Variants in INTS3 observed in about 807,000 individuals in gnomAD.
The protein encoded by INTS3 is integrator complex subunit 3.
INTS3 carries 34 observed loss-of-function variants against 146.3 expected under a neutral mutation model. The ratio of observed to expected loss-of-function variants is 0.23; its 90% CI spans 0.18 to 0.31. The LOEUF is 0.31. Ranked by LOEUF, INTS3 falls within the 10% of genes least tolerant of loss-of-function variation. The pLI is 1.00. For synonymous variants in INTS3, 475 were observed against 494.9 expected, an observed-to-expected ratio of 0.96 and a Z score of 0.53; for missense variants, 757 against 1,304.2, an observed-to-expected ratio of 0.58 and a Z score of 6.46.
At chr1:153,753,513 C>T (rs1013896585) in intron 8 of INTS3, among the ~76,000 whole-genome samples, 11 of 151,080 alleles carry the variant, frequency 7.3e-5, no homozygotes, top group African/African-American at 9.7e-5. Context: ...GCCGAGATCG[C>T]GCCACTGCAC....
chr1:153,760,814 T>C lies in INTS3; in HGVS notation c.1318-13T>C. ...GTCCTGTGCTCATTTTTCCCCTCCT[T>C]CTTCGCTTCCAGATCATTCCCAACT... On this transcript the variant is annotated splice_polypyrimidine_tract_variant and intron_variant, in intron 12 of 29. Transcript: ENST00000318967. 1.2e-6 allele frequency: 2 copies of C among 1,608,304 alleles called. No individual in the cohort carries two copies.
chr1:153,772,831 A>G lies in INTS3; in HGVS notation c.2895-94A>G. ...GACCTTAGGGTCCAGGGTTGAAGAA[A>G]AAGAAGGCCTAGGCCTGGGGGCAGA... On this transcript the variant is annotated intron_variant, in intron 28 of 29. Transcript: ENST00000318967. This position sits in a 1 kb window ranked among gnomAD's most constrained non-coding sequence, Gnocchi z 4.6. The G allele has an allele frequency of 1.9e-6, 3 of 1,587,974 alleles. No individual in the cohort carries two copies. Among genetic ancestry groups the G allele is most frequent in the Non-Finnish European group, 2.6e-6 (3 of 1,164,572 alleles).
chr1:153,741,573 C>G (rs1185792515), intron 3 of INTS3, among the ~76,000 whole-genome samples: 1 of 152,156 alleles, frequency 6.6e-6, no homozygotes, highest in Non-Finnish European at 1.5e-5. Context: ...GATTCTGAAG[C>G]TAAATGGCAG....
chr1:153,749,784 G>A (rs1183601779), intron 6 of INTS3, among the ~76,000 whole-genome samples: 2 of 152,108 alleles, frequency 1.3e-5, no homozygotes, highest in Non-Finnish European at 2.9e-5. Context: ...CAGGATTCAG[G>A]TAATTTCGTT....
At position 153,767,842 on chromosome 1, in the gene INTS3, C is replaced by T. The variant is rs774919855; in HGVS notation, c.2244+15C>T. On this transcript the variant is annotated intron_variant, in intron 21 of 29. Transcript: ENST00000318967. ...TCTACACAGAGGTCAGTGCCTGCAT[C>T]CGTATCTGTGCCGGGGGGCTCACAG... 11 of 1,593,790 alleles carry T rather than the reference C, an allele frequency of 6.9e-6. No individual in the cohort carries two copies. Among genetic ancestry groups the T allele is most frequent in the Non-Finnish European group, 9.4e-6 (11 of 1,168,404 alleles).
rs1214940916 is a variant in INTS3 at position 153,763,834 on chromosome 1, A to G, written c.1769A>G (p.Asp590Gly). The change falls in exon 17 of 30, where the codon GAT becomes GGT. Residue 590 changes from aspartate to glycine, a missense_variant and splice_region_variant. Asp to Gly is a moderately conservative substitution (Grantham distance 94). Around this residue, in one of 8 missense-constraint regions of INTS3, gnomAD observed 89 missense variants for 210.9 expected, o/e 0.42. Transcript: ENST00000318967. Reference sequence around the variant, plus strand: ...TTCCTCTCATTTCTGTCCTGCAGTGATACGGAGGCCCAGTGTGAGGTCATG... The same window carrying G: ...TTCCTCTCATTTCTGTCCTGCAGTGGTACGGAGGCCCAGTGTGAGGTCATG... Reference protein sequence around the residue: ...DKVLQLQKGSDTEAQCEVMQE... With the variant: ...DKVLQLQKGSGTEAQCEVMQE... 1 of 1,613,724 alleles carries G rather than the reference A, an allele frequency of 6.2e-7. No individual in the cohort carries two copies. The highest frequency in any genetic ancestry group is 1.1e-5 in the South Asian group (1 of 90,942).
At chr1:153,748,144 T>C (rs909954496) in intron 5 of INTS3, 1 of 157,374 alleles carries the variant, frequency 6.4e-6, no homozygotes, top group Non-Finnish European at 1.4e-5. Flanking sequence ...CTTCCCTGTT[T>C]GGCACTTCCA....
chr1:153,739,065 T>C (rs1671415935), intron 1 of INTS3, among the ~76,000 whole-genome samples: 1 of 151,796 alleles, frequency 6.6e-6, no homozygotes, highest in African/African-American at 2.4e-5. Context: ...GGCTAATTTT[T>C]TTTTCTTGTT....
Position 153,753,956 on chromosome 1 carries a change from C to CT in INTS3, c.860-667dup, listed in dbSNP as rs60830214. ...AGGCATGAGCCACCGCACCTGGCCTCTTTTTTTTTTTTTTTTTTTCTGTTT... is the reference window on the plus strand; with the variant it reads ...AGGCATGAGCCACCGCACCTGGCCTCTTTTTTTTTTTTTTTTTTTTCTGTTT... On this transcript the variant is annotated intron_variant, in intron 8 of 29. Transcript: ENST00000318967. 6.6e-3 allele frequency: 750 copies of CT among 113,410 alleles called. 8 individuals carry two copies. Among genetic ancestry groups the CT allele is most frequent in the Admixed American group, 0.015 (169 of 11,636 alleles). The allele number at this position is 113,410 out of a possible 1,614,324, so 7.0% of individuals were successfully genotyped here.
Position 153,773,866 on chromosome 1 carries a change from C to G in INTS3, c.*596C>G, listed in dbSNP as rs1241818531. 1.2e-5 allele frequency: 2 copies of G among 169,548 alleles called. No individual in the cohort carries two copies. Among genetic ancestry groups the G allele is most frequent in the Non-Finnish European group, 2.9e-5 (2 of 69,556 alleles). 10.5% of individuals were successfully genotyped at this position (169,548 alleles called of 1,614,324 possible). On this transcript the variant is annotated 3_prime_UTR_variant, in exon 30 of 30. Coordinates refer to ENST00000318967, the MANE Select transcript of INTS3 (RefSeq NM_023015.5). ...GTCTGAAAGGGTGGCCACAGCCCCACGTGGTGTGCCCTGGAGGCTTAGGTT... is the reference window on the plus strand; with the variant it reads ...GTCTGAAAGGGTGGCCACAGCCCCAGGTGGTGTGCCCTGGAGGCTTAGGTT...
intron 10 of INTS3, among the ~76,000 whole-genome samples, chr1:153,759,035 C>T (rs1426418538): frequency 6.6e-6 from 1 of 150,590 alleles, no homozygotes; most frequent in Non-Finnish European, 1.5e-5. Flanking sequence ...GAGGATCACC[C>T]GAGCCTAAGA....
chr1:153,741,556 A>G (rs138601610), intron 3 of INTS3, among the ~76,000 whole-genome samples, 188 bp downstream of exon 3: 7 of 152,346 alleles, frequency 4.6e-5, no homozygotes, highest in African/African-American at 7.2e-5. Context: ...TCCTTTCTCT[A>G]TCTCCAGATT....
intron 2 of INTS3, 124 bp from the exon 3 acceptor site, chr1:153,741,161 T>G: frequency 4.0e-6 from 3 of 757,770 alleles, no homozygotes; most frequent in Admixed American, 4.2e-5. Context: ...AATCATCAGA[T>G]TTAAAAGTTG....
chr1:153,749,060 G>A (rs1452707919), intron 6 of INTS3, among the ~76,000 whole-genome samples: 1 of 152,128 alleles, frequency 6.6e-6, no homozygotes, highest in Admixed American at 6.5e-5. Flanking sequence ...AAGTTGGGGA[G>A]GAATGAGCTC....
At chr1:153,759,381 G>C (rs1389692127) in intron 10 of INTS3, 145 bp from the exon 11 acceptor site, 8 of 700,954 alleles carry the variant, frequency 1.1e-5, no homozygotes, top group South Asian at 6.4e-5. Context: ...CAACACAAGG[G>C]GGGTTAGCAT....
chr1:153,764,505 C>T (rs1672501587), intron 18 of INTS3, among the ~76,000 whole-genome samples, 185 bp from the exon 19 acceptor site: 1 of 152,210 alleles, frequency 6.6e-6, no homozygotes, highest in Non-Finnish European at 1.5e-5. Context: ...GAGCCTGTCT[C>T]CAAAGGGCAA....
At chr1:153,759,665 C>T (rs772425813) in intron 11 of INTS3, 52 bp downstream of exon 11, 3 of 1,163,724 alleles carry the variant, frequency 2.6e-6, no homozygotes, top group East Asian at 2.3e-5. Context: ...TAAGCCCCCA[C>T]TGCCTTCCTT....
chr1:153,752,222 TA>T, intron 7 of INTS3, 56 bp from the exon 8 acceptor site: 2 of 1,556,044 alleles, frequency 1.3e-6, no homozygotes, highest in Non-Finnish European at 1.8e-6. Context: ...CTCCAGCAGG[TA>T]AACAATCCAT....
chr1:153,734,029 C>T (rs1671193910), intron 1 of INTS3, among the ~76,000 whole-genome samples: 1 of 152,102 alleles, frequency 6.6e-6, no homozygotes, highest in South Asian at 2.1e-4. Flanking sequence ...AGGCCTTCCC[C>T]CCCTTTCTCC....
Sources: gnomAD v4.1 joint callset for allele counts (sites outside exome capture counted in the v4.1 genomes callset) on GRCh38, gnomAD v4.1.1 for gene constraint, gnomAD v4.1.1 regional missense constraint, Gnocchi (gnomAD v3.1) non-coding constraint, MANE v1.5 for transcripts, NCBI Gene and HGNC (gene_info 2026-07-23, HGNC 2026-07-21) for gene names.